The following ZFAT variants were observed in gnomAD, a reference collection of about 807,000 sequenced individuals.
ZFAT encodes zinc finger and AT-hook domain containing.
A neutral mutation model predicts 117.7 loss-of-function variants in ZFAT; 64 were observed. The observed-to-expected ratio is 0.54, with a 90% CI of 0.44 to 0.67. The LOEUF is 0.67. Among genes scored for constraint, ZFAT ranks in the 30% least tolerant of loss-of-function variants. The pLI, the probability that ZFAT is intolerant of heterozygous loss-of-function variation, is 0.00. For missense variants in ZFAT, 1,433 were observed against 1,584.5 expected (o/e 0.90, Z 1.62); for synonymous variants, 679 against 615.0 (o/e 1.10, Z -1.54).
chr8:134,516,255 C>T (rs1820244768), intron 13 of ZFAT, among the ~76,000 whole-genome samples: 1 of 152,152 alleles, frequency 6.6e-6, no homozygotes, highest in Non-Finnish European at 1.5e-5. Flanking sequence ...GATACAAATA[C>T]AAAAGCTTAA....
the ZFAT span, among the ~76,000 whole-genome samples, chr8:134,787,920 T>G: frequency 6.6e-6 from 1 of 152,174 alleles, no homozygotes; most frequent in Non-Finnish European, 1.5e-5. Context: ...AATTTCTGTA[T>G]AGTTTGTATT....
Position 134,608,941 on chromosome 8 carries a change from C to T in ZFAT, c.635-62G>A, listed in dbSNP as rs144532057. On this transcript the variant is annotated intron_variant, in intron 4 of 15. Coordinates refer to ENST00000377838, the MANE Select transcript of ZFAT (RefSeq NM_020863.4). Reference sequence around the variant, plus strand: ...CATCGAAAGTGGGCACTGACCCCATCGCAGCAGAGGGGATGGTGCTGGGAA... The same window carrying T: ...CATCGAAAGTGGGCACTGACCCCATTGCAGCAGAGGGGATGGTGCTGGGAA... The T allele has an allele frequency of 3.4e-3, 5,238 of 1,545,938 alleles. 15 individuals carry two copies. The highest frequency in any genetic ancestry group is 3.4e-3 in the Non-Finnish European group (3,875 of 1,151,108).
the ZFAT span, among the ~76,000 whole-genome samples, chr8:134,733,246 G>A: frequency 5.3e-5 from 8 of 152,196 alleles, no homozygotes; most frequent in Admixed American, 5.2e-4. Flanking sequence ...AGCTGCCAGA[G>A]TCCAGCAACA....
At chr8:134,654,203 G>A (rs1486790217) in intron 2 of ZFAT, among the ~76,000 whole-genome samples, 1 of 152,068 alleles carries the variant, frequency 6.6e-6, no homozygotes. Context: ...GCTGAGGCAG[G>A]AGAATCACTT....
At chr8:134,521,043 ATACAG>A in intron 12 of ZFAT, 42 bp from the exon 13 acceptor site, 1 of 1,461,964 alleles carries the variant, frequency 6.8e-7, no homozygotes, top group Non-Finnish European at 9.5e-7. Flanking sequence ...TGTGTTCGTA[ATACAG>A]AAAAATGCAA....
upstream of ZFAT, among the ~76,000 whole-genome samples, chr8:134,717,571 C>G (rs1814226529): frequency 7.2e-6 from 1 of 139,296 alleles, no homozygotes; most frequent in Admixed American, 7.8e-5. Context: ...GCAAGCTCTG[C>G]CTCCTGGGTT....
chr8:134,585,413 T>C (rs1276801628), intron 9 of ZFAT, among the ~76,000 whole-genome samples: 3 of 152,226 alleles, frequency 2.0e-5, no homozygotes, highest in Admixed American at 6.5e-5. Context: ...CAGTTGAATA[T>C]ACTCAGGCAC....
chr8:134,607,948 T>C (rs2130957279), intron 5 of ZFAT, among the ~76,000 whole-genome samples: 1 of 152,356 alleles, frequency 6.6e-6, no homozygotes, highest in African/African-American at 2.4e-5. Flanking sequence ...TCCTTTGCTG[T>C]AGCAATTTCA....
the ZFAT span, among the ~76,000 whole-genome samples, chr8:134,735,470 T>C: frequency 6.6e-6 from 1 of 152,182 alleles, no homozygotes; most frequent in Non-Finnish European, 1.5e-5. Context: ...TTTACAAAAA[T>C]TCAAAATGAA....
chr8:134,817,394 TACACACACACACACA>T, the ZFAT span, among the ~76,000 whole-genome samples: 9,771 of 126,072 alleles, frequency 0.078, 407 homozygotes, highest in African/African-American at 0.14. Flanking sequence ...TCTCTCTCTC[TACACACACACACACA>T]CACACACACA....
chr8:134,674,794 A>G, intron 1 of ZFAT: 1 of 303,882 alleles, frequency 3.3e-6, no homozygotes. Context: ...TTCCAGAGGC[A>G]GGAACAGGCA....
At chr8:134,561,332 G>T (rs914056662) in intron 11 of ZFAT, among the ~76,000 whole-genome samples, 1 of 152,156 alleles carries the variant, frequency 6.6e-6, no homozygotes, top group Non-Finnish European at 1.5e-5. Flanking sequence ...GCCTTTCACT[G>T]GTAAAGTACC....
chr8:134,647,832 GA>G, intron 2 of ZFAT, among the ~76,000 whole-genome samples: 1 of 152,024 alleles, frequency 6.6e-6, no homozygotes, highest in Non-Finnish European at 1.5e-5. Flanking sequence ...CCATATCAAT[GA>G]AAGACATTGA....
intron 1 of ZFAT, among the ~76,000 whole-genome samples, chr8:134,695,076 G>A (rs1311463251): frequency 1.3e-5 from 2 of 152,172 alleles, no homozygotes; most frequent in African/African-American, 4.8e-5. Context: ...TTCAGGGGAG[G>A]GAGCCAGGCA....
chr8:134,494,040 T>G (rs1295972523), intron 15 of ZFAT, among the ~76,000 whole-genome samples: 1 of 152,174 alleles, frequency 6.6e-6, no homozygotes, highest in Non-Finnish European at 1.5e-5. Context: ...TTCTTCCCCT[T>G]TAAGTGCACA....
the ZFAT span, among the ~76,000 whole-genome samples, chr8:134,742,512 A>AAT: frequency 4.3e-3 from 650 of 152,188 alleles, 5 homozygotes; most frequent in African/African-American, 0.015. Flanking sequence ...CTCCTTTTTA[A>AAT]AATGCTCCAA....
At chr8:134,625,211 T>C (rs999104940) in intron 3 of ZFAT, among the ~76,000 whole-genome samples, 5 of 152,252 alleles carry the variant, frequency 3.3e-5, no homozygotes, top group Non-Finnish European at 5.9e-5. Flanking sequence ...CAGCATGTGC[T>C]CTTCCCAATA....
At chr8:134,512,351 G>T in intron 14 of ZFAT, 124 bp downstream of exon 14, 1 of 1,432,498 alleles carries the variant, frequency 7.0e-7, no homozygotes, top group South Asian at 1.3e-5. Flanking sequence ...TCTGCAGTCT[G>T]AACGCTGGGT....
At chr8:134,719,484 T>A in the ZFAT span, among the ~76,000 whole-genome samples, 1 of 151,932 alleles carries the variant, frequency 6.6e-6, no homozygotes, top group African/African-American at 2.4e-5. Context: ...ACATACAGGG[T>A]GCTGTTTGAT....
Sources: allele counts gnomAD v4.1 joint callset (sites outside exome capture counted in the v4.1 genomes callset), GRCh38; gene constraint gnomAD v4.1.1; transcripts MANE v1.5; gene names NCBI Gene and HGNC (gene_info 2026-07-23, HGNC 2026-07-21).